The following CDH20 variants were observed in gnomAD, a reference collection of about 807,000 sequenced individuals.
The protein encoded by CDH20 is cadherin-20.
Under a neutral mutation model 74.2 loss-of-function variants are expected in CDH20, and 29 were observed. The ratio of observed to expected loss-of-function variants is 0.39; its 90% CI spans 0.29 to 0.53. CDH20 has a LOEUF of 0.53. Ranked by LOEUF, CDH20 falls within the 20% of genes least tolerant of loss-of-function variation. CDH20 has a pLI of 0.69. For synonymous variants in CDH20, 469 were observed against 405.4 expected, an observed-to-expected ratio of 1.16 and a Z score of -1.88; for missense variants, 988 against 1,048.3, an observed-to-expected ratio of 0.94 and a Z score of 0.79.
intron 11 of CDH20, among the ~76,000 whole-genome samples, chr18:61,552,037 C>G (rs1281317926): frequency 1.3e-5 from 2 of 152,194 alleles, no homozygotes; most frequent in African/African-American, 2.4e-5. Context: ...AAAATCCTCA[C>G]AGTTTTAAGT....
rs978431388 is a variant in CDH20 at position 61,554,912 on chromosome 18, C to CT, written c.*224dup. On this transcript the variant is annotated 3_prime_UTR_variant, in exon 12 of 12. Coordinates refer to ENST00000262717, the MANE Select transcript of CDH20 (RefSeq NM_031891.4). ...GGAAGAGGGCAGAATCTTTAATTAC[C>CT]TTTTTTTCTTTTCTTTTTGATTTTT... The CT allele has an allele frequency of 8.7e-5, 119 of 1,373,500 alleles. No individual in the cohort carries two copies. Among genetic ancestry groups the CT allele is most frequent in the Non-Finnish European group, 1.0e-4 (111 of 1,065,472 alleles). 85.1% of individuals were successfully genotyped at this position (1,373,500 alleles called of 1,614,324 possible). A position where few individuals can be genotyped will look rare whatever the true frequency, so the allele number is the denominator to read the frequency against.
At chr18:61,362,703 T>C (rs1599036875) in intron 1 of CDH20, among the ~76,000 whole-genome samples, 1 of 152,172 alleles carries the variant, frequency 6.6e-6, no homozygotes, top group South Asian at 2.1e-4. Flanking sequence ...CTTAGTACTA[T>C]GACTACATAG....
chr18:61,426,617 G>T (rs902926800), intron 1 of CDH20, among the ~76,000 whole-genome samples: 1 of 152,156 alleles, frequency 6.6e-6, no homozygotes, highest in Non-Finnish European at 1.5e-5. Flanking sequence ...TAATATATCT[G>T]CCCATTGACT....
At position 61,539,043 on chromosome 18, in the gene CDH20, A is replaced by C. The variant is rs1912933093; in HGVS notation, c.1428A>C (p.Gly476=). 3 of 1,613,948 alleles carry C rather than the reference A, an allele frequency of 1.9e-6. No individual in the cohort carries two copies. The highest frequency in any genetic ancestry group is 2.5e-6 in the Non-Finnish European group (3 of 1,179,994). ...CTTTAGACAATCCCTCCCAGGTTGG[A>C]AGTGTTCCTGTCACAATCAAAGTCT... ...AMEMNNPSQV[G]SVPVTIKVLD... Residue 476 remains glycine (G), a synonymous_variant, in exon 9 of 12, where the codon GGA becomes GGC. Coordinates refer to ENST00000262717, the MANE Select transcript of CDH20 (RefSeq NM_031891.4).
In CDH20 at chr18:61,493,918, G is replaced by C. The variant is rs192382763; in HGVS notation, c.246+3119G>C. 2.0e-5 allele frequency among the ~76,000 whole-genome samples: 3 copies of C among 152,176 alleles called. No homozygotes were observed. The East Asian group carries it at 5.8e-4, about 29-fold the overall frequency. On this transcript the variant is annotated intron_variant, in intron 2 of 11. Coordinates refer to ENST00000262717, the MANE Select transcript of CDH20 (RefSeq NM_031891.4). The stretch of plus-strand genomic sequence containing the variant: ...AATTGAGACGCCACTCACCAACTTT[G>C]TCTACACCTCCCTGACGCTGAGTAC...
chr18:61,500,585 T>C, intron 4 of CDH20, 83 bp downstream of exon 4: 1 of 1,427,928 alleles, frequency 7.0e-7, no homozygotes, highest in Non-Finnish European at 9.5e-7. Context: ...ACTCTCCTTT[T>C]TAAGGACTCT....
intron 1 of CDH20, among the ~76,000 whole-genome samples, chr18:61,484,966 T>A (rs1910708384): frequency 6.6e-6 from 1 of 151,794 alleles, no homozygotes; most frequent in Admixed American, 6.6e-5. Context: ...TAAGTAGGAG[T>A]GGTGGGAAAG....
At chr18:61,515,695 T>C (rs1233345) in intron 6 of CDH20, among the ~76,000 whole-genome samples, 147,360 of 147,682 alleles carry the variant, frequency 1, 73,520 homozygotes, top group East Asian at 1. Context: ...AACCAAACAC[T>C]GCATATTCTC....
intron 1 of CDH20, among the ~76,000 whole-genome samples, chr18:61,355,250 C>A (rs1274313641): frequency 6.6e-6 from 1 of 151,978 alleles, no homozygotes; most frequent in Non-Finnish European, 1.5e-5. Flanking sequence ...ATAGAAGAAC[C>A]AATGTAGCTT....
intron 11 of CDH20, among the ~76,000 whole-genome samples, chr18:61,553,423 A>C (rs951444698): frequency 6.6e-6 from 1 of 152,154 alleles, no homozygotes; most frequent in Non-Finnish European, 1.5e-5. Flanking sequence ...TTGGGATAAA[A>C]TTTTATCCAA....
chr18:61,388,041 A>G (rs1469375247), intron 1 of CDH20, among the ~76,000 whole-genome samples: 2 of 152,182 alleles, frequency 1.3e-5, no homozygotes, highest in Admixed American at 1.3e-4. Context: ...GACAGATTTT[A>G]TAGCTAGCTA....
chr18:61,542,145 A>C (rs558601969), intron 9 of CDH20, among the ~76,000 whole-genome samples: 1 of 152,310 alleles, frequency 6.6e-6, no homozygotes, highest in African/African-American at 2.4e-5. Flanking sequence ...GCCTCAAGAA[A>C]TATGTTACCT....
Position 61,431,472 on chromosome 18 carries a change from T to G in CDH20, c.-152-58930T>G, listed in dbSNP as rs932785149. Among the ~76,000 whole-genome samples the G allele has an allele frequency of 3.3e-5, 5 of 152,186 alleles. No individual in the cohort carries two copies. The East Asian group carries it at 7.7e-4, about 23-fold the overall frequency. ...TTAAGTCCATTAAAGTATGGACTAG[T>G]TAATAATAACATATTGATATTTGTT... On this transcript the variant is annotated intron_variant, in intron 1 of 11. Coordinates refer to ENST00000262717, the MANE Select transcript of CDH20 (RefSeq NM_031891.4).
intron 1 of CDH20, among the ~76,000 whole-genome samples, chr18:61,338,540 G>A (rs1245377199): frequency 6.6e-6 from 1 of 152,096 alleles, no homozygotes; most frequent in East Asian, 1.9e-4. Context: ...TAGCTTAAGA[G>A]ATCATAAAAG....
At chr18:61,541,705 T>C (rs1251972491) in intron 9 of CDH20, among the ~76,000 whole-genome samples, 1 of 152,180 alleles carries the variant, frequency 6.6e-6, no homozygotes, top group African/African-American at 2.4e-5. Flanking sequence ...ATCTGGTTTA[T>C]AAAGTATCGG....
intron 2 of CDH20, among the ~76,000 whole-genome samples, chr18:61,495,734 G>T (rs1393215155): frequency 1.3e-5 from 2 of 152,156 alleles, no homozygotes; most frequent in Non-Finnish European, 2.9e-5. Flanking sequence ...CAGCCAGAGG[G>T]GCACTGGCTG....
intron 9 of CDH20, 111 bp downstream of exon 9, chr18:61,539,256 C>A: frequency 9.6e-7 from 1 of 1,045,676 alleles, no homozygotes; most frequent in Non-Finnish European, 1.4e-6. Flanking sequence ...ACGAACAGTT[C>A]ACAAAACAGA....
chr18:61,505,330 A>G (rs1019887870), intron 5 of CDH20, among the ~76,000 whole-genome samples: 63 of 129,196 alleles, frequency 4.9e-4, no homozygotes, highest in Non-Finnish European at 4.2e-4. Flanking sequence ...CTCCGAAACC[A>G]ATATCTTTTT....
intron 1 of CDH20, among the ~76,000 whole-genome samples, chr18:61,466,659 G>T (rs1909972947): frequency 6.6e-6 from 1 of 152,162 alleles, no homozygotes; most frequent in Non-Finnish European, 1.5e-5. Flanking sequence ...TCTATCTAGG[G>T]ACTAACCTAG....
Sources: gnomAD v4.1 joint callset for allele counts (sites outside exome capture counted in the v4.1 genomes callset) on GRCh38, gnomAD v4.1.1 for gene constraint, MANE v1.5 for transcripts, NCBI Gene and HGNC (gene_info 2026-07-23, HGNC 2026-07-21) for gene names.